The following KYNU variants were observed in gnomAD, a reference collection of about 807,000 sequenced individuals.
KYNU encodes L-kynurenine hydrolase.
Under a neutral mutation model 59.2 loss-of-function variants are expected in KYNU, and 54 were observed. The ratio of observed to expected loss-of-function variants is 0.91; its 90% CI spans 0.73 to 1.14. The LOEUF (loss-of-function observed/expected upper bound fraction) is 1.14, where lower values mean the gene tolerates loss of function less well. Among genes scored for constraint, KYNU ranks in the 50% most tolerant of loss-of-function variants. The pLI is 0.00. For missense variants in KYNU, 567 were observed against 554.4 expected (o/e 1.02, Z -0.23); for synonymous variants, 177 against 192.0 (o/e 0.92, Z 0.65).
At chr2:143,022,003 A>G (rs1311961864) in intron 10 of KYNU, among the ~76,000 whole-genome samples, 1 of 152,126 alleles carries the variant, frequency 6.6e-6, no homozygotes, top group Non-Finnish European at 1.5e-5. Flanking sequence ...TTAATTTTCC[A>G]CCAGACTACC....
chr2:142,899,296 C>T (rs896134295), intron 2 of KYNU, among the ~76,000 whole-genome samples: 8 of 152,094 alleles, frequency 5.3e-5, no homozygotes, highest in Non-Finnish European at 1.0e-4. Context: ...TGCTCTCAGG[C>T]GATATATGAT....
At chr2:142,946,423 TC>T (rs1399201492) in intron 4 of KYNU, among the ~76,000 whole-genome samples, 6 of 152,302 alleles carry the variant, frequency 3.9e-5, no homozygotes, top group Admixed American at 2.0e-4. Flanking sequence ...TACTCCATGA[TC>T]CATGGACTGC....
At chr2:143,022,842 C>T (rs1686447410) in intron 10 of KYNU, among the ~76,000 whole-genome samples, 1 of 151,862 alleles carries the variant, frequency 6.6e-6, no homozygotes, top group African/African-American at 2.4e-5. Flanking sequence ...TATCCTTCTG[C>T]ATATGTTTTT....
chr2:142,878,395 A>G (rs188669836), intron 1 of KYNU, among the ~76,000 whole-genome samples: 1 of 152,256 alleles, frequency 6.6e-6, no homozygotes. Flanking sequence ...TGAAATATAC[A>G]CTCGTAGCAG....
chr2:142,921,691 C>A (rs1186558523), intron 3 of KYNU, among the ~76,000 whole-genome samples: 1 of 152,112 alleles, frequency 6.6e-6, no homozygotes, highest in Non-Finnish European at 1.5e-5. Context: ...TGCCTGTAGT[C>A]CAAGCCACTT....
At chr2:142,946,166 T>G (rs1247410765) in intron 4 of KYNU, among the ~76,000 whole-genome samples, 2 of 152,078 alleles carry the variant, frequency 1.3e-5, no homozygotes, top group African/African-American at 4.8e-5. Context: ...ACTACAGCCT[T>G]GATTTCCTGG....
At chr2:142,900,906 C>A (rs1343229867) in intron 2 of KYNU, among the ~76,000 whole-genome samples, 1 of 152,046 alleles carries the variant, frequency 6.6e-6, no homozygotes, top group Non-Finnish European at 1.5e-5. Flanking sequence ...ATTTGAAGAA[C>A]AATTTGTAGT....
At chr2:142,982,415 A>G (rs561112174) in intron 8 of KYNU, among the ~76,000 whole-genome samples, 4 of 152,126 alleles carry the variant, frequency 2.6e-5, no homozygotes, top group Non-Finnish European at 4.4e-5. Flanking sequence ...ATCATCAGCA[A>G]ATAAATTAGA....
intron 8 of KYNU, among the ~76,000 whole-genome samples, chr2:142,979,574 G>C (rs1684994244): frequency 6.6e-6 from 1 of 152,020 alleles, no homozygotes; most frequent in Non-Finnish European, 1.5e-5. Flanking sequence ...CCCAGGAAAG[G>C]GAAAAGTTTA....
At chr2:143,013,558 G>A (rs1392355749) in intron 10 of KYNU, among the ~76,000 whole-genome samples, 5 of 151,976 alleles carry the variant, frequency 3.3e-5, no homozygotes, top group Non-Finnish European at 7.4e-5. Flanking sequence ...AATGTTATCA[G>A]GTCTTGAATT....
rs1022508107 is a variant in KYNU at position 143,045,284 on chromosome 2, C to A, written c.*3112C>A. On this transcript the variant is annotated 3_prime_UTR_variant, in exon 14 of 14. Transcript: ENST00000264170. ...GTAGTGTGATGCCTCCAGCTTTGTT[C>A]TTTTTGCTTAGGATTGTCTTGGCAA... 6.6e-6 allele frequency: 1 copy of A among 152,112 alleles called. No homozygotes were observed. The highest frequency in any genetic ancestry group is 2.4e-5 in the African/African-American group (1 of 41,498). The allele number at this position is 152,112 out of a possible 1,614,324, so 9.4% of individuals were successfully genotyped here. A position where few individuals can be genotyped will look rare whatever the true frequency, so the allele number is the denominator to read the frequency against.
Position 143,054,233 on chromosome 2 carries a change from T to C in KYNU, c.*12061T>C, listed in dbSNP as rs183015237. On this transcript the variant is annotated 3_prime_UTR_variant, in exon 14 of 14. Transcript: ENST00000264170. ...TTCTTCAGTTTATTCCCTCTTACTA[T>C]GTATAAGTATTTCCCCAAGTTTCAC... The C allele has an allele frequency of 1.3e-5, 2 of 152,302 alleles. No individual in the cohort carries two copies. Among genetic ancestry groups the C allele is most frequent in the African/African-American group, 4.8e-5 (2 of 41,570 alleles). The allele number at this position is 152,302 out of a possible 1,614,324, so 9.4% of individuals were successfully genotyped here.
At chr2:142,927,419 A>G (rs1031803608) in intron 3 of KYNU, among the ~76,000 whole-genome samples, 1 of 151,320 alleles carries the variant, frequency 6.6e-6, no homozygotes, top group Non-Finnish European at 1.5e-5. Context: ...TATTAAAATA[A>G]CATATGAACA....
In KYNU at chr2:143,040,497, C is replaced by G; in HGVS notation, c.1111C>G (p.Leu371Val). Residue 371 changes from leucine (L) to valine (V), a missense_variant, in exon 13 of 14, where the codon CTG becomes GTG. By Grantham distance (32) the Leu-to-Val change is conservative. Coordinates refer to ENST00000264170, the MANE Select transcript of KYNU (RefSeq NM_003937.3). Reference sequence around the variant, plus strand: ...TTTGCTAACTGGCTATCTGGAATACCTGATCAAGCATAACTATGGCAAAGA... The same window carrying G: ...TTTGCTAACTGGCTATCTGGAATACGTGATCAAGCATAACTATGGCAAAGA... ...SVLLTGYLEY[L>V]IKHNYGKDKA... 6.2e-7 allele frequency: 1 copy of G among 1,613,226 alleles called. No individual in the cohort carries two copies. Among genetic ancestry groups the G allele is most frequent in the Non-Finnish European group, 8.5e-7 (1 of 1,179,500 alleles).
chr2:142,964,472 G>C (rs57646958), intron 8 of KYNU, among the ~76,000 whole-genome samples: 1,782 of 152,208 alleles, frequency 0.012, 26 homozygotes, highest in South Asian at 0.062. Flanking sequence ...AATTTTAGCT[G>C]TTCTAAGTAG....
At chr2:142,964,274 G>A (rs916591645) in intron 8 of KYNU, among the ~76,000 whole-genome samples, 8 of 151,704 alleles carry the variant, frequency 5.3e-5, no homozygotes, top group Non-Finnish European at 1.2e-4. Context: ...AAATTTTGGG[G>A]GGTATACATT....
intron 4 of KYNU, chr2:142,948,114 G>A (rs1241266368): frequency 1.3e-5 from 2 of 152,108 alleles, no homozygotes; most frequent in East Asian, 3.9e-4. Flanking sequence ...CCCTATGCAG[G>A]GAGTGGCACT....
rs1334473019 is a variant in KYNU at position 143,042,214 on chromosome 2, T to C, written c.*42T>C. On this transcript the variant is annotated 3_prime_UTR_variant, in exon 14 of 14. Transcript: ENST00000264170. ...AACTTAAGCAAATTATACTGAAAGC[T>C]GCTGTGGTTATTTCAGTATTATTCG... The C allele has an allele frequency of 1.3e-6, 2 of 1,587,356 alleles. No individual in the cohort carries two copies. Among genetic ancestry groups the C allele is most frequent in the Admixed American group, 1.7e-5 (1 of 59,686 alleles).
intron 10 of KYNU, among the ~76,000 whole-genome samples, chr2:143,028,957 T>C (rs1336938743): frequency 6.6e-6 from 1 of 152,224 alleles, no homozygotes; most frequent in Non-Finnish European, 1.5e-5. Flanking sequence ...TTTGGGTACA[T>C]TTCTCTTTAG....
Sources: allele counts gnomAD v4.1 joint callset (sites outside exome capture counted in the v4.1 genomes callset), GRCh38; gene constraint gnomAD v4.1.1; transcripts MANE v1.5; gene names NCBI Gene and HGNC (gene_info 2026-07-23, HGNC 2026-07-21).